EP400: variants seen among roughly 807,000 people sequenced by gnomAD.
The protein encoded by EP400 is E1A-binding protein p400.
EP400 carries 105 observed loss-of-function variants against 354.1 expected under a neutral mutation model. The ratio of observed to expected loss-of-function variants is 0.30; its 90% CI spans 0.25 to 0.35. The LOEUF is 0.35. EP400 is among the 10% of genes least tolerant of loss of function. The pLI, the probability that EP400 is intolerant of heterozygous loss-of-function variation, is 1.00. For missense variants in EP400, 3,280 were observed against 4,121.0 expected (o/e 0.80, Z 5.59); for synonymous variants, 1,646 against 1,716.9 (o/e 0.96, Z 1.02).
In EP400 at chr12:132,062,563, G is replaced by GCAA; in HGVS notation, c.8198_8199insACA (p.Gln2748dup). On this transcript the variant is annotated inframe_insertion, in exon 47 of 53. Transcript: ENST00000389561. The stretch of plus-strand genomic sequence containing the variant: ...AGCAGCAACAACAGCAGCAGCAGCA[G>GCAA]CAGCAGCAGCAGCAGCAGCAGCAGC... 2 of 1,603,906 alleles carry GCAA rather than the reference G, an allele frequency of 1.2e-6. No homozygotes were observed. Among genetic ancestry groups the GCAA allele is most frequent in the Non-Finnish European group, 8.5e-7 (1 of 1,173,964 alleles).
chr12:131,982,960 ACT>A (rs1892730859), intron 5 of EP400, among the ~76,000 whole-genome samples: 1 of 134,038 alleles, frequency 7.5e-6, no homozygotes, highest in Non-Finnish European at 1.5e-5. Flanking sequence ...ACAGAGTGAG[ACT>A]CTGTCTCAAA....
chr12:131,986,871 G>A, intron 6 of EP400, 64 bp downstream of exon 6: 5 of 1,522,016 alleles, frequency 3.3e-6, no homozygotes, highest in South Asian at 1.3e-5. Flanking sequence ...AGTTTTAATT[G>A]TCAAGAATGT....
intron 6 of EP400, among the ~76,000 whole-genome samples, chr12:131,987,383 C>G (rs955585416): frequency 6.6e-6 from 1 of 152,096 alleles, no homozygotes; most frequent in South Asian, 2.1e-4. Context: ...TCCAGACATC[C>G]TATGGTTTCC....
At chr12:131,950,833 A>G (rs996394889) in intron 1 of EP400, among the ~76,000 whole-genome samples, 1 of 152,158 alleles carries the variant, frequency 6.6e-6, no homozygotes, top group Non-Finnish European at 1.5e-5. Flanking sequence ...GGCTCACTAG[A>G]GCCTCGACCT....
chr12:131,955,028 AAG>A (rs1317865764), intron 1 of EP400, among the ~76,000 whole-genome samples: 1 of 152,208 alleles, frequency 6.6e-6, no homozygotes, highest in Non-Finnish European at 1.5e-5. Context: ...ATGTCAAAAA[AAG>A]AGAAAAAATT....
intron 12 of EP400, among the ~76,000 whole-genome samples, chr12:131,999,768 T>A (rs1377208969): frequency 6.6e-6 from 1 of 152,180 alleles, no homozygotes; most frequent in Non-Finnish European, 1.5e-5. Context: ...ATATGACTTT[T>A]TCTTTTCTTC....
At chr12:131,952,865 T>A (rs922666401) in intron 1 of EP400, among the ~76,000 whole-genome samples, 10 of 152,174 alleles carry the variant, frequency 6.6e-5, no homozygotes, top group African/African-American at 1.9e-4. Flanking sequence ...TCTTTTTTTT[T>A]AATAAGGGTA....
In EP400 at chr12:132,017,366, G is replaced by A. The variant is rs1295320349; in HGVS notation, c.3924-169G>A. Among the ~76,000 whole-genome samples, 2 of 152,202 alleles carry A rather than the reference G, an allele frequency of 1.3e-5. No homozygotes were observed. Among genetic ancestry groups the A allele is most frequent in the Non-Finnish European group, 2.9e-5 (2 of 68,034 alleles). ...GGGGATGGCGAACAAGTGCAGAGGG[G>A]CCTGCCTGGGATGTGGACTTGAATG... On this transcript the variant is annotated intron_variant, in intron 19 of 52. Transcript: ENST00000389561. This position sits in a 1 kb window ranked among gnomAD's most constrained non-coding sequence, Gnocchi z 5.0.
intron 50 of EP400, 57 bp from the exon 51 acceptor site, chr12:132,069,438 C>T (rs1212499632): frequency 7.6e-6 from 12 of 1,587,390 alleles, no homozygotes; most frequent in East Asian, 6.7e-5. Context: ...GCAGGCGTCC[C>T]GGGAGTCTTG....
At chr12:132,068,794 A>T (rs1895980878) in intron 50 of EP400, 1 of 152,374 alleles carries the variant, frequency 6.6e-6, no homozygotes, top group Admixed American at 6.5e-5. Context: ...CAGTGCTGGG[A>T]CTTACCTCCT....
At position 132,079,442 on chromosome 12, in the gene EP400, T is replaced by C. The variant is rs1001751171; in HGVS notation, c.*1769T>C. 1.3e-5 allele frequency: 2 copies of C among 152,268 alleles called. No individual in the cohort carries two copies. The highest frequency in any genetic ancestry group is 2.4e-5 in the African/African-American group (1 of 41,476). The allele number at this position is 152,268 out of a possible 1,614,324, so 9.4% of individuals were successfully genotyped here. ...CACATCTGGCTCCCAGTGGAAACTTTTACTCCTCCTCATCCGCAGATGTGA... is the reference window on the plus strand; with the variant it reads ...CACATCTGGCTCCCAGTGGAAACTTCTACTCCTCCTCATCCGCAGATGTGA... On this transcript the variant is annotated 3_prime_UTR_variant, in exon 53 of 53. Coordinates refer to ENST00000389561, the MANE Select transcript of EP400 (RefSeq NM_015409.5).
At chr12:131,957,503 A>G (rs1891740735) in intron 1 of EP400, among the ~76,000 whole-genome samples, 1 of 149,236 alleles carries the variant, frequency 6.7e-6, no homozygotes, top group South Asian at 2.1e-4. Context: ...ACCAGAAGGA[A>G]CGTTTTGATT....
chr12:131,999,332 T>A (rs376644461), intron 12 of EP400, among the ~76,000 whole-genome samples: 2 of 152,214 alleles, frequency 1.3e-5, no homozygotes, highest in African/African-American at 2.4e-5. Flanking sequence ...TGATGATACC[T>A]TTAATGTTTC....
chr12:132,024,979 T>A (rs940764529), intron 24 of EP400, among the ~76,000 whole-genome samples: 5 of 152,026 alleles, frequency 3.3e-5, no homozygotes, highest in South Asian at 2.1e-4. Context: ...CCCACTGACC[T>A]CCTTAGAGAG....
chr12:131,977,122 G>GT (rs1438509786), intron 2 of EP400, among the ~76,000 whole-genome samples: 1 of 151,938 alleles, frequency 6.6e-6, no homozygotes, highest in Admixed American at 6.6e-5. Flanking sequence ...CCTGGATTAT[G>GT]TTTTTTGTTT....
At chr12:131,986,011 G>A (rs949768837) in intron 5 of EP400, among the ~76,000 whole-genome samples, 5 of 152,004 alleles carry the variant, frequency 3.3e-5, no homozygotes, top group East Asian at 1.9e-4. Context: ...GTCTTGCTTC[G>A]TTGCCCAGGC....
chr12:132,033,581 GA>G (rs1179968748), intron 30 of EP400, among the ~76,000 whole-genome samples: 1 of 151,684 alleles, frequency 6.6e-6, no homozygotes, highest in Non-Finnish European at 1.5e-5. Flanking sequence ...GCCCAGGCTG[GA>G]GTGCAGTGGC....
rs140316675 is a variant in EP400 at position 132,075,317 on chromosome 12, C to T, written c.9022-1199C>T. On this transcript the variant is annotated intron_variant, in intron 51 of 52. Transcript: ENST00000389561. The surrounding 1 kb of genome is among the most constrained non-coding windows in gnomAD (Gnocchi z 4.5). Reference sequence around the variant, plus strand: ...ACGGGGTGCGTCTCCATGTGGCCAGCGATCCCGGGCAGAGGTTGTGCAGCT... The same window carrying T: ...ACGGGGTGCGTCTCCATGTGGCCAGTGATCCCGGGCAGAGGTTGTGCAGCT... 0.015 allele frequency among the ~76,000 whole-genome samples: 2,250 copies of T among 152,108 alleles called. 62 individuals carry two copies. Among genetic ancestry groups the T allele is most frequent in the African/African-American group, 0.051 (2,135 of 41,480 alleles).
At position 131,990,506 on chromosome 12, in the gene EP400, A is replaced by G. The variant is rs774101908; in HGVS notation, c.2551-130A>G. The stretch of plus-strand genomic sequence containing the variant: ...GTAGTTAGTATGAAATAAATGAAAA[A>G]GCACCAAACTGACGAGGCTGGAAAA... On this transcript the variant is annotated intron_variant, in intron 8 of 52. Coordinates refer to ENST00000389561, the MANE Select transcript of EP400 (RefSeq NM_015409.5). The surrounding 1 kb of genome is among the most constrained non-coding windows in gnomAD (Gnocchi z 4.2). 3.2e-5 allele frequency: 22 copies of G among 681,362 alleles called. No individual in the cohort carries two copies. Among genetic ancestry groups the G allele is most frequent in the Non-Finnish European group, 4.9e-5 (20 of 404,382 alleles). 42.2% of individuals were successfully genotyped at this position (681,362 alleles called of 1,614,324 possible). A position where few individuals can be genotyped will look rare whatever the true frequency, so the allele number is the denominator to read the frequency against.
Sources: allele counts gnomAD v4.1 joint callset (sites outside exome capture counted in the v4.1 genomes callset), GRCh38; gene constraint gnomAD v4.1.1; non-coding constraint Gnocchi (gnomAD v3.1); transcripts MANE v1.5; gene names NCBI Gene and HGNC (gene_info 2026-07-23, HGNC 2026-07-21).